The following RIMS1 variants were observed in gnomAD, a reference collection of about 807,000 sequenced individuals.
RIMS1 encodes the protein regulating synaptic membrane exocytosis 1, also known as regulating synaptic membrane exocytosis protein 1.
In RIMS1, 83 loss-of-function variants were observed where a neutral mutation model predicts 214.1. The ratio of observed to expected loss-of-function variants is 0.39; its 90% CI spans 0.32 to 0.47. RIMS1 has a LOEUF of 0.47. Ranked by LOEUF, RIMS1 falls within the 20% of genes least tolerant of loss-of-function variation. The pLI, the probability that RIMS1 is intolerant of heterozygous loss-of-function variation, is 0.99. For synonymous variants in RIMS1, 793 were observed against 786.8 expected, an observed-to-expected ratio of 1.01 and a Z score of -0.13; for missense variants, 2,050 against 2,161.8, an observed-to-expected ratio of 0.95 and a Z score of 1.03.
At chr6:72,333,553 G>T in intron 28 of RIMS1, 47 bp from the exon 29 acceptor site, 1 of 1,354,802 alleles carries the variant, frequency 7.4e-7, no homozygotes, top group South Asian at 1.3e-5. Flanking sequence ...CAGTGATGCT[G>T]ACCTGTAATT....
intron 4 of RIMS1, among the ~76,000 whole-genome samples, chr6:72,111,174 T>G (rs1388302864): frequency 1.3e-5 from 2 of 152,228 alleles, no homozygotes; most frequent in African/African-American, 4.8e-5. Context: ...TGTGGTCTTT[T>G]GATCTGTAGG....
intron 2 of RIMS1, among the ~76,000 whole-genome samples, chr6:72,002,851 A>G (rs561108497): frequency 1.3e-5 from 2 of 152,304 alleles, no homozygotes; most frequent in East Asian, 1.9e-4. Context: ...GAAAATGGCT[A>G]CATCCCATGT....
chr6:71,990,282 C>T (rs1207573812), intron 2 of RIMS1, among the ~76,000 whole-genome samples: 2 of 152,162 alleles, frequency 1.3e-5, no homozygotes, highest in South Asian at 2.1e-4. Flanking sequence ...AACACTGATA[C>T]GTGCAGCTCA....
Position 72,107,568 on chromosome 6 carries a change from A to AAAAG in RIMS1, c.471+7598_471+7601dup, listed in dbSNP as rs199972498. On this transcript the variant is annotated intron_variant, in intron 4 of 33. Coordinates refer to ENST00000521978, the MANE Select transcript of RIMS1 (RefSeq NM_014989.7). ...AGAGTAAGACTCCATCTCAAAAGAA[A>AAAAG]AAAGAAAGAAAGAAAGAAATGAAAT... 7.1e-3 allele frequency among the ~76,000 whole-genome samples: 1,078 copies of AAAAG among 152,238 alleles called. 13 individuals are homozygous for AAAAG. Among genetic ancestry groups the AAAAG allele is most frequent in the East Asian group, 0.055 (284 of 5,168 alleles).
intron 6 of RIMS1, among the ~76,000 whole-genome samples, chr6:72,183,531 AACC>A (rs1178256827): frequency 6.6e-6 from 1 of 151,282 alleles, no homozygotes; most frequent in Non-Finnish European, 1.5e-5. Flanking sequence ...ATTAAAAAAA[AACC>A]ACATCAGTTA....
intron 25 of RIMS1, among the ~76,000 whole-genome samples, chr6:72,291,110 A>G (rs1037288140): frequency 3.9e-5 from 6 of 152,122 alleles, no homozygotes; most frequent in Admixed American, 2.0e-4. Context: ...ATGTCCTTTC[A>G]TCTGTTTGTG....
chr6:72,161,337 G>C (rs1195082656), intron 4 of RIMS1, among the ~76,000 whole-genome samples: 1 of 139,404 alleles, frequency 7.2e-6, no homozygotes, highest in African/African-American at 2.5e-5. Flanking sequence ...CAAAAAACGA[G>C]CTCCTGGATT....
At chr6:72,059,972 C>T (rs1024026804) in intron 2 of RIMS1, among the ~76,000 whole-genome samples, 37 of 151,834 alleles carry the variant, frequency 2.4e-4, no homozygotes, top group African/African-American at 8.5e-4. Context: ...GAGTTTTGCT[C>T]TTCTTGCCCA....
At chr6:72,081,622 G>A (rs1318640606) in intron 2 of RIMS1, among the ~76,000 whole-genome samples, 1 of 151,936 alleles carries the variant, frequency 6.6e-6, no homozygotes, top group Non-Finnish European at 1.5e-5. Flanking sequence ...ACCAAGCAGT[G>A]GCTGGTGAGG....
intron 4 of RIMS1, among the ~76,000 whole-genome samples, chr6:72,124,078 TA>T (rs1441041311): frequency 6.6e-6 from 1 of 151,912 alleles, no homozygotes; most frequent in African/African-American, 2.4e-5. Context: ...CAATGGTGTT[TA>T]CAATTTGGCA....
chr6:72,387,804 A>G (rs2098638450), intron 29 of RIMS1, among the ~76,000 whole-genome samples: 1 of 152,252 alleles, frequency 6.6e-6, no homozygotes, highest in African/African-American at 2.4e-5. Context: ...CTACCCTTTC[A>G]GTAGCATTTC....
intron 2 of RIMS1, among the ~76,000 whole-genome samples, chr6:72,034,136 G>A (rs1818916624): frequency 6.6e-6 from 1 of 152,010 alleles, no homozygotes. Flanking sequence ...TCATTTACTG[G>A]TAAAATTGCC....
intron 1 of RIMS1, among the ~76,000 whole-genome samples, chr6:71,968,410 T>TAC (rs60480318): frequency 0.012 from 1,779 of 151,652 alleles, 19 homozygotes; most frequent in African/African-American, 0.031. Context: ...TTTCTTCTTT[T>TAC]ACACACACAC....
In RIMS1 at chr6:72,233,755, T is replaced by G. The variant is rs369124358; in HGVS notation, c.1679-18T>G. On this transcript the variant is annotated intron_variant, in intron 6 of 33. Transcript: ENST00000521978. ...TCTTTAATACCATTACACTTTTCAT[T>G]CTTTTTGTATTGCACAGGTGATTTG... 31 of 1,544,140 alleles carry G rather than the reference T, an allele frequency of 2.0e-5. No individual in the cohort carries two copies. The highest frequency in any genetic ancestry group is 2.4e-5 in the Non-Finnish European group (27 of 1,136,550).
At chr6:72,399,124 T>C (rs2098811421) in intron 33 of RIMS1, 30 bp downstream of exon 33, 1 of 1,549,468 alleles carries the variant, frequency 6.5e-7, no homozygotes, top group Admixed American at 1.8e-5. Context: ...GCTTTTTACA[T>C]TGAAATGTCT....
intron 2 of RIMS1, among the ~76,000 whole-genome samples, chr6:72,049,635 C>T (rs1824058087): frequency 6.6e-6 from 1 of 152,184 alleles, no homozygotes; most frequent in Non-Finnish European, 1.5e-5. Flanking sequence ...TAAGTTCTTA[C>T]TTCACTCCCA....
chr6:72,198,148 C>T (rs1170274205), intron 6 of RIMS1, among the ~76,000 whole-genome samples: 2 of 152,050 alleles, frequency 1.3e-5, no homozygotes, highest in African/African-American at 2.4e-5. Context: ...GGGATACCTG[C>T]GCTCACATGT....
intron 29 of RIMS1, among the ~76,000 whole-genome samples, chr6:72,360,533 C>G (rs1429824051): frequency 2.0e-5 from 3 of 151,960 alleles, no homozygotes; most frequent in Non-Finnish European, 4.4e-5. Flanking sequence ...TTCCACTTTA[C>G]TTAAAAAGAA....
At chr6:72,340,802 T>C (rs2097052938) in intron 29 of RIMS1, among the ~76,000 whole-genome samples, 1 of 152,112 alleles carries the variant, frequency 6.6e-6, no homozygotes, top group Non-Finnish European at 1.5e-5. Context: ...TAAAGTAGTT[T>C]TTTCCAATTC....
Sources: allele counts gnomAD v4.1 joint callset (sites outside exome capture counted in the v4.1 genomes callset), GRCh38; gene constraint gnomAD v4.1.1; transcripts MANE v1.5; gene names NCBI Gene and HGNC (gene_info 2026-07-23, HGNC 2026-07-21).